The following PCDH9 variants were observed in gnomAD, a reference collection of about 807,000 sequenced individuals.
PCDH9 encodes the protein protocadherin 9.
PCDH9 carries 24 observed loss-of-function variants against 70.6 expected under a neutral mutation model. The observed-to-expected ratio is 0.34, with a 90% confidence interval of 0.25 to 0.48. PCDH9 has a LOEUF of 0.48. Among genes scored for constraint, PCDH9 ranks in the 20% least tolerant of loss-of-function variants. PCDH9 has a pLI of 0.99. For synonymous variants in PCDH9, 562 were observed against 558.5 expected, an observed-to-expected ratio of 1.01 and a Z score of -0.09; for missense variants, 1,281 against 1,503.6, an observed-to-expected ratio of 0.85 and a Z score of 2.45.
chr13:67,064,481 T>C (rs1043633845), intron 2 of PCDH9, among the ~76,000 whole-genome samples: 2 of 152,166 alleles, frequency 1.3e-5, no homozygotes, highest in Non-Finnish European at 2.9e-5. Context: ...TTTAAAAACC[T>C]AACAATCAGT....
At chr13:67,087,326 A>T (rs1266025829) in intron 2 of PCDH9, among the ~76,000 whole-genome samples, 1 of 152,006 alleles carries the variant, frequency 6.6e-6, no homozygotes, top group African/African-American at 2.4e-5. Flanking sequence ...AAAGCATTTG[A>T]TATGCTCCAT....
At chr13:66,561,822 A>G (rs1453056757) in intron 4 of PCDH9, among the ~76,000 whole-genome samples, 4 of 152,120 alleles carry the variant, frequency 2.6e-5, no homozygotes, top group Non-Finnish European at 5.9e-5. Flanking sequence ...GGGCCAGATA[A>G]GAGAATAAAA....
chr13:66,903,639 A>G (rs1566280396), intron 2 of PCDH9, 34 bp from the exon 3 acceptor site: 1 of 902,048 alleles, frequency 1.1e-6, no homozygotes, highest in Middle Eastern at 2.2e-4. Flanking sequence ...GTGACAAACT[A>G]CTCCACATTT....
intron 3 of PCDH9, among the ~76,000 whole-genome samples, chr13:66,860,815 AAAG>A (rs1400893287): frequency 6.6e-6 from 1 of 152,220 alleles, no homozygotes; most frequent in Non-Finnish European, 1.5e-5. Flanking sequence ...AGTCTCTCTG[AAAG>A]AAGCAGTTTG....
At chr13:67,125,197 A>G (rs1257159777) in intron 2 of PCDH9, among the ~76,000 whole-genome samples, 1 of 152,200 alleles carries the variant, frequency 6.6e-6, no homozygotes, top group Non-Finnish European at 1.5e-5. Flanking sequence ...ACACTCATAA[A>G]ATGTTCACCC....
intron 2 of PCDH9, chr13:67,205,612 C>A (rs191781002): frequency 3.5e-4 from 54 of 152,262 alleles, no homozygotes; most frequent in African/African-American, 1.3e-3. Context: ...TAAATAAGAA[C>A]TGTACTCATG....
intron 4 of PCDH9, among the ~76,000 whole-genome samples, chr13:66,580,617 C>T (rs1281298868): frequency 1.3e-5 from 2 of 151,334 alleles, no homozygotes; most frequent in East Asian, 4.0e-4. Context: ...ATTTTTATCA[C>T]CCCAAAAAGA....
chr13:66,530,119 C>T (rs1439912226), intron 4 of PCDH9, among the ~76,000 whole-genome samples: 1 of 152,006 alleles, frequency 6.6e-6, no homozygotes, highest in East Asian at 1.9e-4. Flanking sequence ...TCTCTGCTTC[C>T]AATTTCAAAC....
chr13:66,803,084 AG>A (rs1190836438), intron 3 of PCDH9, among the ~76,000 whole-genome samples: 2 of 147,720 alleles, frequency 1.4e-5, no homozygotes, highest in Non-Finnish European at 3.0e-5. Context: ...CACAGTGTCA[AG>A]GTTGAATTTC....
At chr13:66,769,408 T>C (rs17081774) in intron 3 of PCDH9, among the ~76,000 whole-genome samples, 44,263 of 151,826 alleles carry the variant, frequency 0.29, 6,719 homozygotes, top group East Asian at 0.44. Context: ...ACAATGAAAG[T>C]AGGGTTCATA....
chr13:66,777,737 A>G (rs1424899968), intron 3 of PCDH9, among the ~76,000 whole-genome samples: 1 of 152,206 alleles, frequency 6.6e-6, no homozygotes, highest in African/African-American at 2.4e-5. Context: ...TTCCTCACGG[A>G]TCTAGAACTA....
chr13:66,485,883 C>T (rs1269572975), intron 4 of PCDH9, among the ~76,000 whole-genome samples: 1 of 151,774 alleles, frequency 6.6e-6, no homozygotes, highest in East Asian at 1.9e-4. Context: ...TGCACCACCA[C>T]GTCTGGCTAA....
chr13:67,157,112 C>T (rs1197150348), intron 2 of PCDH9, among the ~76,000 whole-genome samples: 1 of 152,136 alleles, frequency 6.6e-6, no homozygotes, highest in Non-Finnish European at 1.5e-5. Context: ...CCTGATGCTT[C>T]GATCAATGCC....
At chr13:66,970,305 A>G (rs1419757174) in intron 2 of PCDH9, among the ~76,000 whole-genome samples, 2 of 151,918 alleles carry the variant, frequency 1.3e-5, no homozygotes, top group Admixed American at 1.3e-4. Context: ...GAGAATAACA[A>G]GTTATTTCTT....
At chr13:67,071,344 T>C (rs911106768) in intron 2 of PCDH9, among the ~76,000 whole-genome samples, 1 of 152,180 alleles carries the variant, frequency 6.6e-6, no homozygotes, top group Non-Finnish European at 1.5e-5. Context: ...GATATCACTA[T>C]GTAATATAAT....
At chr13:66,728,941 T>A (rs2079038298) in intron 3 of PCDH9, among the ~76,000 whole-genome samples, 1 of 152,130 alleles carries the variant, frequency 6.6e-6, no homozygotes, top group Non-Finnish European at 1.5e-5. Context: ...ATAGTTTCTG[T>A]CCATGGTGTT....
intron 4 of PCDH9, among the ~76,000 whole-genome samples, chr13:66,414,740 A>G (rs1477560713): frequency 6.6e-6 from 1 of 152,214 alleles, no homozygotes; most frequent in Non-Finnish European, 1.5e-5. Flanking sequence ...TCTTCTCACA[A>G]TAATTTGTTG....
intron 3 of PCDH9, among the ~76,000 whole-genome samples, chr13:66,796,169 C>T (rs926134435): frequency 6.6e-6 from 1 of 152,158 alleles, no homozygotes; most frequent in Non-Finnish European, 1.5e-5. Context: ...CTATCATCTG[C>T]AGTTGGCTAG....
At chr13:66,448,817 T>C (rs1958148301) in intron 4 of PCDH9, among the ~76,000 whole-genome samples, 1 of 133,990 alleles carries the variant, frequency 7.5e-6, no homozygotes, top group Non-Finnish European at 1.6e-5. Flanking sequence ...AGTCATACAA[T>C]CAAGTTAGTA....
Sources: allele counts gnomAD v4.1 joint callset (sites outside exome capture counted in the v4.1 genomes callset), GRCh38; gene constraint gnomAD v4.1.1; transcripts MANE v1.5; gene names NCBI Gene and HGNC (gene_info 2026-07-23, HGNC 2026-07-21).